MED23: variants seen among roughly 807,000 people sequenced by gnomAD.
MED23 encodes mediator of RNA polymerase II transcription subunit 23.
A neutral mutation model predicts 163.9 loss-of-function variants in MED23; 105 were observed. The observed-to-expected ratio is 0.64, with a 90% confidence interval of 0.55 to 0.75. The LOEUF is 0.75. Ranked by LOEUF, MED23 falls within the 30% of genes least tolerant of loss-of-function variation. MED23 has a pLI of 0.00. For synonymous variants in MED23, 561 were observed against 565.6 expected, an observed-to-expected ratio of 0.99 and a Z score of 0.12; for missense variants, 1,054 against 1,649.0, an observed-to-expected ratio of 0.64 and a Z score of 6.25.
At chr6:131,606,762 T>C (rs1360893726) in intron 12 of MED23, 138 bp from the exon 13 acceptor site, 2 of 789,544 alleles carry the variant, frequency 2.5e-6, no homozygotes, top group Non-Finnish European at 4.0e-6. Flanking sequence ...AATTCAATAA[T>C]ACAAATCAGA....
chr6:131,580,194 C>T (rs766521599), intron 30 of MED23, among the ~76,000 whole-genome samples: 3 of 152,186 alleles, frequency 2.0e-5, no homozygotes, highest in Non-Finnish European at 4.4e-5. Context: ...CAGTCAATGA[C>T]TTCAGGTCTC....
At chr6:131,589,655 GA>G in intron 27 of MED23, 59 bp from the exon 28 acceptor site, 1 of 1,545,638 alleles carries the variant, frequency 6.5e-7, no homozygotes, top group South Asian at 1.1e-5. Flanking sequence ...AATTCAGCAT[GA>G]TGCAGCTGGG....
In MED23 at chr6:131,602,469, A is replaced by G. The variant is rs959232019; in HGVS notation, c.1932-88T>C. On this transcript the variant is annotated intron_variant, in intron 16 of 28. Transcript: ENST00000368068. ...GGTTAATTACAATGGAAAAACATGC[A>G]ATCTATGACTATCCCTTCTTTAAAA... The G allele has an allele frequency of 2.6e-6, 3 of 1,172,614 alleles. No individual in the cohort carries two copies. The African/African-American group carries it at 4.6e-5, about 18-fold the overall frequency. The allele number at this position is 1,172,614 out of a possible 1,614,324, so 72.6% of individuals were successfully genotyped here. A position where few individuals can be genotyped will look rare whatever the true frequency, so the allele number is the denominator to read the frequency against.
chr6:131,578,909 C>A (rs773454478), intron 30 of MED23, among the ~76,000 whole-genome samples: 7 of 152,080 alleles, frequency 4.6e-5, no homozygotes, highest in Non-Finnish European at 1.0e-4. Flanking sequence ...CAGTATACAG[C>A]CGCACCAGTG....
At chr6:131,579,057 G>A in intron 30 of MED23, 1 of 1,589,674 alleles carries the variant, frequency 6.3e-7, no homozygotes, top group Non-Finnish European at 8.6e-7. Context: ...ATCCTACACA[G>A]ACTGATTTAT....
chr6:131,627,733 G>T, intron 1 of MED23, 61 bp from the exon 2 acceptor site: 1 of 1,477,002 alleles, frequency 6.8e-7, no homozygotes, highest in African/African-American at 1.4e-5. Flanking sequence ...GCCTCCCTTA[G>T]CCAAGTATTA....
chr6:131,584,816 T>TACACACAC (rs59196638), downstream of MED23, among the ~76,000 whole-genome samples: 943 of 134,128 alleles, frequency 7.0e-3, 10 homozygotes, highest in African/African-American at 0.018. Context: ...CTACAAAAAA[T>TACACACAC]ACACACACAC....
rs145981098 is a variant in MED23, at chr6:131,610,230, G to T, written c.893C>A (p.Pro298His). ...ATCCACCAACTGGTCCTCCAGCACA[G>T]GGCAGCGCTGCTTGTGCTGTAGGGC... is the stretch of plus-strand genomic sequence containing the variant. ...GLNKQHKQRC[P>H]VLEDQLVDLV... is the part of the protein sequence containing the mutation. The change falls in exon 11 of 29, where the codon CCT (proline) becomes CAT (histidine). Residue 298 changes from proline to histidine, a missense_variant. Transcript: ENST00000368068. 1.2e-6 allele frequency: 2 copies of T among 1,613,708 alleles called. No individual in the cohort carries two copies. Among genetic ancestry groups the T allele is most frequent in the East Asian group, 2.2e-5 (1 of 44,866 alleles).
In MED23 at chr6:131,590,343, C is replaced by G; in HGVS notation, c.3786G>C (p.Glu1262Asp). 6.2e-7 allele frequency: 1 copy of G among 1,612,636 alleles called. No homozygotes were observed. Residue 1262 changes from glutamate to aspartate, a missense_variant, in exon 27 of 29, where the codon GAG becomes GAC. Around this residue, in one of 11 missense-constraint regions of MED23, gnomAD observed 362 missense variants for 471.6 expected, o/e 0.77. Transcript: ENST00000368068. Reference protein sequence around the residue: ...VGPFLQRFQQERTRCMIEIGV... With the variant: ...VGPFLQRFQQDRTRCMIEIGV... ...TTACCTCTATCATACAACGAGTTCT[C>G]TCTTGCTGAAATCTTTGTAAAAATG...
chr6:131,599,863 C>T (rs1357586693), intron 18 of MED23, among the ~76,000 whole-genome samples, 175 bp downstream of exon 18: 1 of 152,012 alleles, frequency 6.6e-6, no homozygotes, highest in Non-Finnish European at 1.5e-5. Context: ...CTTGCCTCAG[C>T]CTCTCAAGCA....
chr6:131,576,993 C>T (rs952023954), intron 30 of MED23, among the ~76,000 whole-genome samples: 3 of 150,428 alleles, frequency 2.0e-5, no homozygotes, highest in Non-Finnish European at 1.5e-5. Flanking sequence ...TGTGCAAGAA[C>T]GGGGGTTGGG....
chr6:131,627,456 C>A lies in MED23; in HGVS notation c.99G>T (p.Glu33Asp). ...CCAAACAGCTAATTAGTTTTGTTTT[C>A]TCATCTTCAGGAGTATCCATAAACA... ...PGMFMDTPED[E>D]KTKLISCLGA... Residue 33 changes from glutamate (E) to aspartate (D), a missense_variant, in exon 3 of 29, where the codon GAG (glutamate) becomes GAT (aspartate). By Grantham distance (45) the Glu-to-Asp change is conservative (BLOSUM62 2). Transcript: ENST00000368068. 1 of 1,613,412 alleles carries A rather than the reference C, an allele frequency of 6.2e-7. No individual in the cohort carries two copies. Among genetic ancestry groups the A allele is most frequent in the South Asian group, 1.1e-5 (1 of 91,050 alleles).
rs765058820 is a variant in MED23 at position 131,596,131 on chromosome 6, G to A, written c.2811C>T (p.Leu937=). Residue 937 remains leucine (L), a synonymous_variant, in exon 22 of 29, where the codon CTC becomes CTT. Transcript: ENST00000368068. The stretch of plus-strand genomic sequence containing the variant: ...GTACAGGAGGATCCACCTGTTCCGC[G>A]AGGCCCTCAAAATACAACTTCTCTG... ...KYPEKLYFEG[L]AEQVDPPVQI... is the part of the protein sequence containing the mutation. 2.6e-5 allele frequency: 42 copies of A among 1,613,970 alleles called. No homozygotes were observed. The Admixed American group carries it at 4.2e-4, about 16-fold the overall frequency.
At chr6:131,582,389 C>T (rs994499212), downstream of MED23, among the ~76,000 whole-genome samples, 2 of 151,990 alleles carry the variant, frequency 1.3e-5, no homozygotes, top group Non-Finnish European at 2.9e-5. Context: ...AAAGAAGGGC[C>T]CAGCAGGACT....
At chr6:131,615,134 A>G (rs992581477) in intron 10 of MED23, among the ~76,000 whole-genome samples, 1 of 151,332 alleles carries the variant, frequency 6.6e-6, no homozygotes, top group Non-Finnish European at 1.5e-5. Context: ...CAAAAAAACA[A>G]AAACAAAAAC....
chr6:131,621,346 T>C (rs1365603915), intron 6 of MED23, among the ~76,000 whole-genome samples: 2 of 151,880 alleles, frequency 1.3e-5, no homozygotes, highest in East Asian at 3.9e-4. Context: ...ATATATAATA[T>C]ATATACACAC....
intron 10 of MED23, among the ~76,000 whole-genome samples, chr6:131,612,217 A>G (rs1005875841): frequency 6.6e-6 from 1 of 151,974 alleles, no homozygotes. Context: ...AAAACCAAGG[A>G]TATTTCTCAA....
intron 4 of MED23, among the ~76,000 whole-genome samples, chr6:131,624,031 T>C (rs1408383754): frequency 1.3e-5 from 2 of 152,218 alleles, no homozygotes; most frequent in Non-Finnish European, 2.9e-5. Flanking sequence ...ATTCATTATG[T>C]TATATTTTAC....
intron 12 of MED23, among the ~76,000 whole-genome samples, chr6:131,607,253 C>T (rs983254616): frequency 6.6e-6 from 1 of 151,374 alleles, no homozygotes; most frequent in African/African-American, 2.4e-5. Context: ...GGTGGGGTTA[C>T]AGTAACCCCA....
Sources: allele counts gnomAD v4.1 joint callset (sites outside exome capture counted in the v4.1 genomes callset), GRCh38; gene constraint gnomAD v4.1.1; regional missense constraint gnomAD v4.1.1; transcripts MANE v1.5; gene names NCBI Gene and HGNC (gene_info 2026-07-23, HGNC 2026-07-21).